The following PIGU variants were observed in gnomAD, a reference collection of about 807,000 sequenced individuals.
The protein encoded by PIGU is phosphatidylinositol glycan anchor biosynthesis class U, also known as GPI-anchor transamidase component PIGU.
PIGU carries 24 observed loss-of-function variants against 49.9 expected under a neutral mutation model. The observed-to-expected ratio is 0.48, with a 90% CI of 0.35 to 0.68. The LOEUF is 0.68. Ranked by LOEUF, PIGU falls within the 30% of genes least tolerant of loss-of-function variation. The probability of loss-of-function intolerance (pLI) is 0.01; values close to 1 mark genes in which losing one functional copy is unlikely to be tolerated. For synonymous variants in PIGU, 220 were observed against 205.7 expected, an observed-to-expected ratio of 1.07 and a Z score of -0.59; for missense variants, 490 against 532.6, an observed-to-expected ratio of 0.92 and a Z score of 0.79.
At chr20:34,668,408 G>T (rs1347861216) in intron 1 of PIGU, among the ~76,000 whole-genome samples, 1 of 134,346 alleles carries the variant, frequency 7.4e-6, no homozygotes, top group Non-Finnish European at 1.5e-5. Flanking sequence ...GTTGCAGTGA[G>T]CCGAGATCTC....
rs1246323640 is a variant in PIGU, at chr20:34,637,999, A to G, written c.319-14T>C. 3.2e-6 allele frequency: 5 copies of G among 1,564,828 alleles called. No homozygotes were observed. The highest frequency in any genetic ancestry group is 4.3e-6 in the Non-Finnish European group (5 of 1,166,142). On this transcript the variant is annotated splice_polypyrimidine_tract_variant and intron_variant, in intron 4 of 11. Transcript: ENST00000217446. Reference sequence around the variant, plus strand: ...CTGCTTTTTAAACTAGAAAAAAAAAAAAAAGGAAAAGATAAAACACATGAA... The same window carrying G: ...CTGCTTTTTAAACTAGAAAAAAAAAGAAAAGGAAAAGATAAAACACATGAA...
In PIGU at chr20:34,575,264, T is replaced by C. The variant is rs745382874; in HGVS notation, c.1052-18A>G. 6.2e-7 allele frequency: 1 copy of C among 1,612,430 alleles called. No individual in the cohort carries two copies. Among genetic ancestry groups the C allele is most frequent in the Non-Finnish European group, 8.5e-7 (1 of 1,178,972 alleles). ...TCTCAGGACTGCAAAGACAGAGGGT[T>C]ACAGTTAGCCTGACACGCTCTCTCT... is the stretch of plus-strand genomic sequence containing the variant. On this transcript the variant is annotated intron_variant, in intron 10 of 11. Coordinates refer to ENST00000217446, the MANE Select transcript of PIGU (RefSeq NM_080476.5).
chr20:34,564,488 T>G (rs1464589959), intron 11 of PIGU, among the ~76,000 whole-genome samples: 2 of 152,280 alleles, frequency 1.3e-5, no homozygotes, highest in African/African-American at 4.8e-5. Context: ...AGAGCAAAAC[T>G]CCAGCTCTTG....
chr20:34,656,540 C>G (rs990847658), intron 2 of PIGU, among the ~76,000 whole-genome samples: 2 of 151,904 alleles, frequency 1.3e-5, no homozygotes, highest in African/African-American at 4.8e-5. Flanking sequence ...CTTCGGCCTC[C>G]CAAAGTGCTG....
In PIGU at chr20:34,585,597, A is replaced by G. The variant is rs1983668468; in HGVS notation, c.783-17T>C. The G allele has an allele frequency of 1.9e-6, 3 of 1,609,164 alleles. No homozygotes were observed. The highest frequency in any genetic ancestry group is 2.5e-6 in the Non-Finnish European group (3 of 1,177,680). On this transcript the variant is annotated splice_polypyrimidine_tract_variant and intron_variant, in intron 8 of 11. Coordinates refer to ENST00000217446, the MANE Select transcript of PIGU (RefSeq NM_080476.5). ...ACAGAAAGTCTGGAATTAAGAAAAC[A>G]AAGGGAGAGAAAAAAGACAAAAGTT...
rs1022941320 is a variant in PIGU at position 34,562,340 on chromosome 20, G to A, written c.1195-1361C>T. On this transcript the variant is annotated intron_variant, in intron 11 of 11. Transcript: ENST00000217446. ...ACCTGGCACAGATGGGGAGACTGAG[G>A]CACAGAGCACTTGGCTATGGTCTTG... 4.4e-5 allele frequency: 50 copies of A among 1,123,726 alleles called. No homozygotes were observed. The African/African-American group carries it at 7.5e-4, about 17-fold the overall frequency. 69.6% of individuals were successfully genotyped at this position (1,123,726 alleles called of 1,614,324 possible).
intron 1 of PIGU, among the ~76,000 whole-genome samples, chr20:34,671,995 C>T (rs976412108): frequency 6.6e-6 from 1 of 152,116 alleles, no homozygotes; most frequent in Admixed American, 6.5e-5. Flanking sequence ...TGCAGTGGCA[C>T]GATCTCGGCT....
At chr20:34,668,173 C>T (rs1362748135) in intron 1 of PIGU, among the ~76,000 whole-genome samples, 1 of 151,962 alleles carries the variant, frequency 6.6e-6, no homozygotes. Flanking sequence ...CAACTAAACG[C>T]AATATGTGGC....
intron 6 of PIGU, among the ~76,000 whole-genome samples, chr20:34,630,654 T>A (rs1258048182): frequency 1.3e-5 from 2 of 152,068 alleles, no homozygotes; most frequent in Non-Finnish European, 1.5e-5. Context: ...AATTTTTTTT[T>A]ATTATTATTA....
intron 6 of PIGU, among the ~76,000 whole-genome samples, chr20:34,633,800 C>T (rs569493154): frequency 6.4e-4 from 97 of 152,200 alleles, no homozygotes; most frequent in African/African-American, 2.1e-3. Context: ...AACTCCTGAT[C>T]TCAGGCAATC....
At chr20:34,665,519 T>C (rs1987063594) in intron 1 of PIGU, among the ~76,000 whole-genome samples, 1 of 149,810 alleles carries the variant, frequency 6.7e-6, no homozygotes, top group Non-Finnish European at 1.5e-5. Context: ...TTTTTGTATT[T>C]TTAGTAGAGG....
At chr20:34,567,813 C>T (rs1405513380) in intron 11 of PIGU, among the ~76,000 whole-genome samples, 1 of 151,846 alleles carries the variant, frequency 6.6e-6, no homozygotes, top group Non-Finnish European at 1.5e-5. Context: ...CTCTCTCTCT[C>T]TCTCTCTCTC....
At chr20:34,644,114 C>A in intron 4 of PIGU, 50 bp downstream of exon 4, 1 of 1,481,462 alleles carries the variant, frequency 6.8e-7, no homozygotes, top group South Asian at 1.1e-5. Context: ...TAACAAAGAC[C>A]AGAAGGTTAC....
chr20:34,622,512 G>A (rs1012405484), intron 6 of PIGU, among the ~76,000 whole-genome samples: 36 of 151,558 alleles, frequency 2.4e-4, no homozygotes, highest in African/African-American at 7.5e-4. Flanking sequence ...GCAAGAGTCC[G>A]TCTCAAAAAA....
chr20:34,588,659 A>G (rs1983806701), intron 7 of PIGU, 52 bp from the exon 8 acceptor site: 1 of 1,536,008 alleles, frequency 6.5e-7, no homozygotes, highest in South Asian at 1.2e-5. Flanking sequence ...AACAGAGGGC[A>G]GCTATTAGCT....
intron 2 of PIGU, among the ~76,000 whole-genome samples, chr20:34,646,376 T>C (rs1986343558): frequency 6.6e-6 from 1 of 152,212 alleles, no homozygotes; most frequent in Admixed American, 6.5e-5. Flanking sequence ...AAGTTTCCTA[T>C]GAGTATGGCT....
At chr20:34,617,163 G>A (rs1044533834) in intron 6 of PIGU, among the ~76,000 whole-genome samples, 18 of 152,244 alleles carry the variant, frequency 1.2e-4, no homozygotes, top group African/African-American at 4.3e-4. Context: ...GAAGCGAAAT[G>A]TGGGGTCGGA....
chr20:34,675,248 CAAAAAAAAAA>C (rs71196751), intron 1 of PIGU, among the ~76,000 whole-genome samples: 1 of 70,372 alleles, frequency 1.4e-5, no homozygotes, highest in African/African-American at 5.9e-5. Flanking sequence ...AACTCCATCT[CAAAAAAAAAA>C]AAAAAAAAAA....
intron 10 of PIGU, among the ~76,000 whole-genome samples, chr20:34,579,869 G>A (rs898612294): frequency 6.6e-6 from 1 of 152,176 alleles, no homozygotes; most frequent in Admixed American, 6.5e-5. Context: ...TCTGATCACG[G>A]AACTATGTGA....
Sources: allele counts gnomAD v4.1 joint callset (sites outside exome capture counted in the v4.1 genomes callset), GRCh38; gene constraint gnomAD v4.1.1; transcripts MANE v1.5; gene names NCBI Gene and HGNC (gene_info 2026-07-23, HGNC 2026-07-21).